The following LNX1 variants were observed in gnomAD, a reference collection of about 807,000 sequenced individuals.
LNX1 encodes E3 ubiquitin-protein ligase LNX.
Under a neutral mutation model 68.4 loss-of-function variants are expected in LNX1, and 54 were observed. The observed-to-expected ratio is 0.79, with a 90% CI of 0.63 to 0.99. The LOEUF is 0.99. LNX1 is among the 50% of genes least tolerant of loss of function. The pLI, the probability that LNX1 is intolerant of heterozygous loss-of-function variation, is 0.00. For missense variants in LNX1, 906 were observed against 926.4 expected (o/e 0.98, Z 0.29); for synonymous variants, 336 against 350.0 (o/e 0.96, Z 0.45).
upstream of LNX1, among the ~76,000 whole-genome samples, chr4:53,619,203 A>G (rs1408719994): frequency 6.6e-6 from 1 of 152,240 alleles, no homozygotes. Flanking sequence ...TATGTACTGT[A>G]AAATTCATGC....
chr4:53,517,452 T>G (rs988053452), intron 2 of LNX1, among the ~76,000 whole-genome samples: 12 of 152,184 alleles, frequency 7.9e-5, no homozygotes, highest in African/African-American at 2.9e-4. Flanking sequence ...CCCTGCTAAT[T>G]GAGTCCTGAT....
chr4:53,562,751 A>G (rs1351124558), intron 2 of LNX1, among the ~76,000 whole-genome samples: 3 of 152,242 alleles, frequency 2.0e-5, no homozygotes, highest in African/African-American at 7.2e-5. Flanking sequence ...TGTGCAGTAG[A>G]AAATTACTAA....
Position 53,573,673 on chromosome 4 carries a change from G to T in LNX1, c.330C>A (p.His110Gln), listed in dbSNP as rs777972678. The T allele has an allele frequency of 3.7e-6, 6 of 1,608,214 alleles. No homozygotes were observed. Among genetic ancestry groups the T allele is most frequent in the Non-Finnish European group, 4.2e-6 (5 of 1,177,502 alleles). The part of the protein sequence containing the change: ...KLLVTCPFRE[H>Q]CTQVLQRCDL... ...CACAGCGCTGCAACACCTGGGTGCA[G>T]TGCTCCCTGAATGGGCAGGTCACCA... Residue 110 changes from histidine (H) to glutamine (Q), a missense_variant, in exon 2 of 11, where the codon CAC becomes CAA. His to Gln is a conservative substitution (Grantham distance 24). Coordinates refer to ENST00000263925, the MANE Select transcript of LNX1 (RefSeq NM_001126328.3).
At chr4:53,461,075 T>A in intron 10 of LNX1, 33 bp from the exon 11 acceptor site, 1 of 1,524,308 alleles carries the variant, frequency 6.6e-7, no homozygotes, top group Non-Finnish European at 8.8e-7. Flanking sequence ...ATATGATTAG[T>A]ATTTTAATTC....
chr4:53,507,320 CA>C lies in LNX1; in HGVS notation c.771del (p.Glu258LysfsTer9), dbSNP rs1292156830. 2 of 1,614,018 alleles carry C rather than the reference CA, an allele frequency of 1.2e-6. No individual in the cohort carries two copies. Among genetic ancestry groups the C allele is most frequent in the Non-Finnish European group, 1.7e-6 (2 of 1,179,966 alleles). ...GRENSENTTA[P>X]EVFPRLYHLI... ...GCCTTATGGGGAGTTCATTTACCTTCAGGGGCAGTGGTGTTTTCAGAATTTT... is the reference window on the plus strand; with the variant it reads ...GCCTTATGGGGAGTTCATTTACCTTCGGGGCAGTGGTGTTTTCAGAATTTT... On this transcript the variant is annotated frameshift_variant, in exon 4 of 11. Coordinates refer to ENST00000263925, the MANE Select transcript of LNX1 (RefSeq NM_001126328.3). LOFTEE classifies it high-confidence loss of function.
In LNX1 at chr4:53,616,131, A is replaced by G. The variant is rs140539343; in HGVS notation, c.-215+386T>C. 4.9e-3 allele frequency among the ~76,000 whole-genome samples: 747 copies of G among 152,284 alleles called. 6 individuals are homozygous for G. Among genetic ancestry groups the G allele is most frequent in the African/African-American group, 0.017 (704 of 41,550 alleles). ...ATTGTTTTGATTTTTAGATCCCACA[A>G]ATAAGTGAGAACATGTGATGTTTGC... On this transcript the variant is annotated intron_variant, in intron 2 of 3. Coordinates refer to the LNX1 transcript ENST00000504299.
chr4:53,613,552 T>G (rs2109851071), intron 2 of LNX1, among the ~76,000 whole-genome samples: 1 of 152,268 alleles, frequency 6.6e-6, no homozygotes, highest in South Asian at 2.1e-4. Context: ...ATTGTTCCAA[T>G]GCGGTATTTG....
In LNX1 at chr4:53,491,626, T is replaced by G. The variant is rs144214359; in HGVS notation, c.1350+4397A>C. 9.5e-3 allele frequency among the ~76,000 whole-genome samples: 1,449 copies of G among 152,278 alleles called. 22 individuals carry two copies. Among genetic ancestry groups the G allele is most frequent in the African/African-American group, 0.033 (1,388 of 41,536 alleles). ...CACATGAAAGCAGATTTGGTGCTTC[T>G]TTGGTAAATGGTTTGATAACCAATC... On this transcript the variant is annotated intron_variant, in intron 6 of 10. Coordinates refer to ENST00000263925, the MANE Select transcript of LNX1 (RefSeq NM_001126328.3).
chr4:53,641,313 C>T (rs1340295002), intron 1 of LNX1, among the ~76,000 whole-genome samples: 2 of 152,204 alleles, frequency 1.3e-5, no homozygotes, highest in Non-Finnish European at 2.9e-5. Flanking sequence ...GGGGACTTAC[C>T]CAGATAAGAG....
intron 2 of LNX1, among the ~76,000 whole-genome samples, chr4:53,562,777 G>T (rs1730376632): frequency 6.6e-6 from 1 of 152,178 alleles, no homozygotes; most frequent in African/African-American, 2.4e-5. Flanking sequence ...TACATTTTAA[G>T]TGTTTTCATC....
chr4:53,644,106 G>C (rs1734791217), intron 1 of LNX1, among the ~76,000 whole-genome samples: 1 of 152,098 alleles, frequency 6.6e-6, no homozygotes, highest in Non-Finnish European at 1.5e-5. Flanking sequence ...ATAAAAAAAA[G>C]TAAATGGAGG....
At chr4:53,565,122 A>G (rs1730571816) in intron 2 of LNX1, among the ~76,000 whole-genome samples, 1 of 152,120 alleles carries the variant, frequency 6.6e-6, no homozygotes, top group Non-Finnish European at 1.5e-5. Flanking sequence ...GCATCCTGGA[A>G]GCTCGAACTG....
At chr4:53,509,765 C>CAGG (rs1003344622) in intron 2 of LNX1, among the ~76,000 whole-genome samples, 2 of 152,142 alleles carry the variant, frequency 1.3e-5, no homozygotes, top group Non-Finnish European at 2.9e-5. Context: ...TGTCTAAAAT[C>CAGG]AGGATGCATG....
At chr4:53,555,906 AG>A (rs756884427) in intron 2 of LNX1, among the ~76,000 whole-genome samples, 3 of 152,196 alleles carry the variant, frequency 2.0e-5, no homozygotes, top group Non-Finnish European at 2.9e-5. Context: ...AAGTGGTATA[AG>A]GACCTTCCTT....
At chr4:53,647,643 A>G (rs1443705066) in intron 1 of LNX1, among the ~76,000 whole-genome samples, 2 of 152,224 alleles carry the variant, frequency 1.3e-5, no homozygotes, top group African/African-American at 4.8e-5. Context: ...CCATCTTAAC[A>G]ATTTTTAAGA....
intron 2 of LNX1, among the ~76,000 whole-genome samples, chr4:53,553,538 T>C (rs1729666063): frequency 6.6e-6 from 1 of 152,188 alleles, no homozygotes; most frequent in Non-Finnish European, 1.5e-5. Context: ...GGGCTGTAAA[T>C]ATAGGGCCAG....
intron 6 of LNX1, among the ~76,000 whole-genome samples, chr4:53,485,065 T>C (rs1420383318): frequency 6.6e-6 from 1 of 152,234 alleles, no homozygotes; most frequent in African/African-American, 2.4e-5. Context: ...TGAAGAACGA[T>C]GGAATTAGCT....
At chr4:53,586,711 A>G (rs979006) in intron 1 of LNX1, among the ~76,000 whole-genome samples, 131,769 of 152,250 alleles carry the variant, frequency 0.87, 57,141 homozygotes, top group Admixed American at 0.89. Context: ...GGGCAAAGGC[A>G]AAGAGAACAA....
intron 2 of LNX1, among the ~76,000 whole-genome samples, chr4:53,511,358 A>G (rs1726324392): frequency 6.6e-6 from 1 of 152,218 alleles, no homozygotes. Context: ...AGCATTGGCC[A>G]GGACAAGAAC....
Sources: allele counts gnomAD v4.1 joint callset (sites outside exome capture counted in the v4.1 genomes callset), GRCh38; gene constraint gnomAD v4.1.1; transcripts MANE v1.5; gene names NCBI Gene and HGNC (gene_info 2026-07-23, HGNC 2026-07-21).